ZNF804B: variants seen among roughly 807,000 people sequenced by gnomAD.
ZNF804B encodes the protein zinc finger 804B.
ZNF804B carries 80 observed loss-of-function variants against 101.4 expected under a neutral mutation model. The observed-to-expected ratio is 0.79, with a 90% confidence interval of 0.66 to 0.95. ZNF804B has a LOEUF of 0.95. ZNF804B is among the 40% of genes least tolerant of loss of function. The pLI is 0.00. For missense variants in ZNF804B, 1,673 were observed against 1,561.9 expected, an observed-to-expected ratio of 1.07 and a Z score of -1.20; for synonymous variants, 622 against 558.8, an observed-to-expected ratio of 1.11 and a Z score of -1.59.
At chr7:89,034,346 G>A (rs1788887907) in intron 1 of ZNF804B, among the ~76,000 whole-genome samples, 1 of 151,854 alleles carries the variant, frequency 6.6e-6, no homozygotes, top group Admixed American at 6.6e-5. Context: ...CATGTGCCGT[G>A]GTTGTTTGCT....
At chr7:89,267,543 G>A (rs995282291) in intron 2 of ZNF804B, among the ~76,000 whole-genome samples, 6 of 151,848 alleles carry the variant, frequency 4.0e-5, no homozygotes, top group African/African-American at 1.5e-4. Context: ...ACCAAATATG[G>A]TCTAGTTATA....
At chr7:89,216,651 C>A (rs1327463718) in intron 1 of ZNF804B, among the ~76,000 whole-genome samples, 2 of 152,156 alleles carry the variant, frequency 1.3e-5, no homozygotes, top group African/African-American at 2.4e-5. Flanking sequence ...TCCCTTCTTT[C>A]TTTTTGCCAT....
intron 1 of ZNF804B, among the ~76,000 whole-genome samples, chr7:89,007,632 TA>T (rs1324227991): frequency 2.6e-4 from 38 of 144,086 alleles, no homozygotes; most frequent in African/African-American, 8.9e-4. Context: ...TAAATATATA[TA>T]TTTTTGTAAA....
chr7:88,859,103 T>C (rs1254977299), intron 1 of ZNF804B, among the ~76,000 whole-genome samples: 2 of 152,084 alleles, frequency 1.3e-5, no homozygotes, highest in East Asian at 1.9e-4. Flanking sequence ...ATAGGTTTTA[T>C]TGGGTTTATT....
intron 1 of ZNF804B, among the ~76,000 whole-genome samples, chr7:88,868,048 AGTGT>A (rs34267852): frequency 0.087 from 12,411 of 142,548 alleles, 617 homozygotes; most frequent in African/African-American, 0.15. Flanking sequence ...TGTGTGTGTG[AGTGT>A]GTGTGTGTGT....
At chr7:88,930,125 A>T (rs1479274268) in intron 1 of ZNF804B, among the ~76,000 whole-genome samples, 5 of 151,874 alleles carry the variant, frequency 3.3e-5, no homozygotes, top group African/African-American at 9.7e-5. Context: ...ATGCACTAGG[A>T]GGTGAATTAT....
At chr7:88,854,474 TCTCTTTC>T (rs1278979739) in intron 1 of ZNF804B, among the ~76,000 whole-genome samples, 97 of 111,540 alleles carry the variant, frequency 8.7e-4, no homozygotes, top group East Asian at 5.8e-3. Context: ...TTTCTTTCTT[TCTCTTTC>T]CTTTCCTTTC....
intron 1 of ZNF804B, among the ~76,000 whole-genome samples, chr7:89,136,709 A>G (rs773321540): frequency 5.3e-5 from 8 of 150,078 alleles, no homozygotes; most frequent in Non-Finnish European, 7.4e-5. Flanking sequence ...TTTCTTTTTA[A>G]GGCTGAATTA....
At chr7:89,002,602 G>A (rs1047476189) in intron 1 of ZNF804B, among the ~76,000 whole-genome samples, 64 of 151,784 alleles carry the variant, frequency 4.2e-4, no homozygotes, top group African/African-American at 1.5e-3. Flanking sequence ...AGAGAAGGGG[G>A]TGGAATGTAG....
chr7:89,282,180 G>A (rs1022173998), intron 2 of ZNF804B, among the ~76,000 whole-genome samples: 4 of 136,998 alleles, frequency 2.9e-5, no homozygotes, highest in Admixed American at 7.7e-5. Context: ...CAGCCTGGGC[G>A]ACAGAGCGAG....
chr7:89,207,733 T>A (rs1788736140), intron 1 of ZNF804B, among the ~76,000 whole-genome samples: 1 of 152,220 alleles, frequency 6.6e-6, no homozygotes, highest in Non-Finnish European at 1.5e-5. Context: ...GCATATTAAA[T>A]AACTGGATAA....
intron 1 of ZNF804B, among the ~76,000 whole-genome samples, chr7:88,764,778 C>G (rs1157137080): frequency 1.3e-5 from 2 of 152,098 alleles, no homozygotes; most frequent in Non-Finnish European, 2.9e-5. Flanking sequence ...AAGTGATGCA[C>G]TTTTCAAGTG....
At chr7:88,953,240 A>G (rs1257762155) in intron 1 of ZNF804B, among the ~76,000 whole-genome samples, 2 of 151,714 alleles carry the variant, frequency 1.3e-5, no homozygotes, top group Non-Finnish European at 1.5e-5. Context: ...ACAGTGATAC[A>G]TTCCTTCTTT....
intron 1 of ZNF804B, among the ~76,000 whole-genome samples, chr7:88,935,215 A>G (rs1792948984): frequency 6.6e-6 from 1 of 151,804 alleles, no homozygotes; most frequent in African/African-American, 2.4e-5. Flanking sequence ...CTTATAAGTG[A>G]GAGCTAAGCT....
chr7:89,169,048 G>C (rs1368371350), intron 1 of ZNF804B, among the ~76,000 whole-genome samples: 1 of 152,102 alleles, frequency 6.6e-6, no homozygotes, highest in Non-Finnish European at 1.5e-5. Flanking sequence ...AGTGACTAGT[G>C]TTCAGCTCAA....
At chr7:88,956,094 G>T (rs1220838162) in intron 1 of ZNF804B, among the ~76,000 whole-genome samples, 1 of 151,624 alleles carries the variant, frequency 6.6e-6, no homozygotes, top group Non-Finnish European at 1.5e-5. Context: ...ACAAATGCTG[G>T]TGAGGATGTG....
intron 2 of ZNF804B, among the ~76,000 whole-genome samples, chr7:89,285,715 A>C (rs1356620400): frequency 6.6e-6 from 1 of 151,992 alleles, no homozygotes; most frequent in Non-Finnish European, 1.5e-5. Context: ...AGAATTTAAG[A>C]TAAGAAGGAA....
In ZNF804B at chr7:89,102,050, T is replaced by C. The variant is rs148732818; in HGVS notation, c.109-116105T>C. On this transcript the variant is annotated intron_variant, in intron 1 of 3. Transcript: ENST00000333190. The stretch of plus-strand genomic sequence containing the variant: ...GCTGTGTAGTATTCCATGGTATATA[T>C]ACACCACATTTTTTTAATCCAATCA... Among the ~76,000 whole-genome samples the C allele has an allele frequency of 4.9e-4, 74 of 152,142 alleles. 1 individual carries two copies. In the East Asian group the frequency reaches 0.014, roughly 28 times the overall value.
intron 1 of ZNF804B, among the ~76,000 whole-genome samples, chr7:88,819,569 C>A (rs905872657): frequency 1.3e-5 from 2 of 152,106 alleles, no homozygotes; most frequent in African/African-American, 4.8e-5. Context: ...AAGATATATA[C>A]CCATCTTGAA....
Sources: allele counts gnomAD v4.1 joint callset (sites outside exome capture counted in the v4.1 genomes callset), GRCh38; gene constraint gnomAD v4.1.1; transcripts MANE v1.5; gene names NCBI Gene and HGNC (gene_info 2026-07-23, HGNC 2026-07-21).